The following SERAC1 variants were observed in gnomAD, a reference collection of about 807,000 sequenced individuals.
SERAC1 encodes the protein protein SERAC1.
Under a neutral mutation model 85.7 loss-of-function variants are expected in SERAC1, and 36 were observed. The observed-to-expected ratio is 0.42, with a 90% CI of 0.32 to 0.55. The LOEUF (loss-of-function observed/expected upper bound fraction) is 0.55. SERAC1 is among the 20% of genes least tolerant of loss of function. SERAC1 has a pLI of 0.11. For missense variants in SERAC1, 629 were observed against 796.2 expected (o/e 0.79, Z 2.53); for synonymous variants, 242 against 265.3 (o/e 0.91, Z 0.85).
At chr6:158,115,110 G>T (rs41269575) in intron 14 of SERAC1, 139 bp from the exon 15 acceptor site, 4 of 852,898 alleles carry the variant, frequency 4.7e-6, no homozygotes, top group Non-Finnish European at 7.2e-6. Flanking sequence ...ACAATTCTCT[G>T]TACAGTAGTA....
At chr6:158,113,347 T>G (rs1382128741) in intron 16 of SERAC1, 102 bp downstream of exon 16, 1 of 898,506 alleles carries the variant, frequency 1.1e-6, no homozygotes. Flanking sequence ...TCATAAACTA[T>G]CTCTTAAAAC....
intron 2 of SERAC1, among the ~76,000 whole-genome samples, chr6:158,156,259 CTGA>C (rs572533656): frequency 7.7e-4 from 118 of 152,276 alleles, no homozygotes; most frequent in Non-Finnish European, 1.1e-3. Flanking sequence ...ATGGCAGACA[CTGA>C]TAATTGCCTG....
At chr6:158,160,708 C>A (rs1313109674) in intron 1 of SERAC1, among the ~76,000 whole-genome samples, 1 of 152,054 alleles carries the variant, frequency 6.6e-6, no homozygotes, top group Non-Finnish European at 1.5e-5. Context: ...CAATTTATTT[C>A]TATTCCTTTA....
rs1784387369 is a variant in SERAC1 at position 158,120,307 on chromosome 6, A to G, written c.1166+118T>C. 2 of 1,042,604 alleles carry G rather than the reference A, an allele frequency of 1.9e-6. No homozygotes were observed. The highest frequency in any genetic ancestry group is 2.7e-6 in the Non-Finnish European group (2 of 746,108). The allele number at this position is 1,042,604 out of a possible 1,614,324, so 64.6% of individuals were successfully genotyped here. ...TAGACAAATTATTTTAGTAAATAAG[A>G]TATTTGACTTATAAGTTATTTAACT... On this transcript the variant is annotated intron_variant, in intron 11 of 16. Transcript: ENST00000647468. The surrounding 1 kb of genome is among the most constrained non-coding windows in gnomAD (Gnocchi z 4.4).
chr6:158,158,482 G>T, intron 1 of SERAC1, 118 bp from the exon 2 acceptor site: 2 of 631,244 alleles, frequency 3.2e-6, no homozygotes, highest in Non-Finnish European at 5.2e-6. Flanking sequence ...GCTTTTTCAA[G>T]ACTACGAAGA....
At chr6:158,162,588 T>TTTTTAAA (rs1785511778) in intron 1 of SERAC1, among the ~76,000 whole-genome samples, 2 of 152,234 alleles carry the variant, frequency 1.3e-5, no homozygotes, top group Admixed American at 1.3e-4. Flanking sequence ...TCCTATTAGA[T>TTTTTAAA]GTATGCTAGA....
In SERAC1 at chr6:158,113,228, C is replaced by T. The variant is rs560585560; in HGVS notation, c.1828+221G>A. 31 of 489,582 alleles carry T rather than the reference C, an allele frequency of 6.3e-5. No individual in the cohort carries two copies. The East Asian group carries it at 9.3e-4, about 15-fold the overall frequency. 30.3% of individuals were successfully genotyped at this position (489,582 alleles called of 1,614,324 possible). A position where few individuals can be genotyped will look rare whatever the true frequency, so the allele number is the denominator to read the frequency against. ...TTAGAGTTAGCCAATTAACCCTTCTCATCTAATCAGTTACATAAAGGGCAG... is the reference window on the plus strand; with the variant it reads ...TTAGAGTTAGCCAATTAACCCTTCTTATCTAATCAGTTACATAAAGGGCAG... On this transcript the variant is annotated intron_variant, in intron 16 of 16. Transcript: ENST00000647468.
chr6:158,147,766 C>T (rs1310546518), intron 5 of SERAC1, among the ~76,000 whole-genome samples: 1 of 60,334 alleles, frequency 1.7e-5, no homozygotes, highest in East Asian at 5.7e-4. Context: ...AAGGCTCTGT[C>T]TCAAAAAAAA....
Position 158,120,704 on chromosome 6 carries a change from C to T in SERAC1, c.1016-129G>A. ...CGTGTCTGTCCTTGGCGGAGAAGTC[C>T]GACTATTCCAACCCCATTCTGCCCT... On this transcript the variant is annotated intron_variant, in intron 10 of 16. Transcript: ENST00000647468. The surrounding 1 kb of genome is among the most constrained non-coding windows in gnomAD (Gnocchi z 4.4). The T allele has an allele frequency of 2.0e-6, 2 of 988,350 alleles. No homozygotes were observed. Among genetic ancestry groups the T allele is most frequent in the Non-Finnish European group, 2.9e-6 (2 of 687,792 alleles). The allele number at this position is 988,350 out of a possible 1,614,324, so 61.2% of individuals were successfully genotyped here.
At chr6:158,159,992 A>AATAT (rs1293152194) in intron 1 of SERAC1, among the ~76,000 whole-genome samples, 1 of 152,204 alleles carries the variant, frequency 6.6e-6, no homozygotes, top group Non-Finnish European at 1.5e-5. Context: ...AATATTTATA[A>AATAT]ATATATCATA....
At chr6:158,122,472 T>C (rs1784445369) in intron 10 of SERAC1, among the ~76,000 whole-genome samples, 1 of 152,170 alleles carries the variant, frequency 6.6e-6, no homozygotes, top group Non-Finnish European at 1.5e-5. Context: ...AATATAGTCA[T>C]ATATCTATAA....
intron 8 of SERAC1, among the ~76,000 whole-genome samples, chr6:158,137,426 T>C (rs1030698730): frequency 1.3e-5 from 2 of 152,016 alleles, no homozygotes; most frequent in African/African-American, 4.8e-5. Flanking sequence ...AAAAAAAAAA[T>C]ACTAAAAACA....
At chr6:158,128,662 C>T (rs1784601392) in intron 9 of SERAC1, among the ~76,000 whole-genome samples, 1 of 152,098 alleles carries the variant, frequency 6.6e-6, no homozygotes. Flanking sequence ...GAAATAGTCC[C>T]CTGTGCAAGC....
intron 5 of SERAC1, among the ~76,000 whole-genome samples, chr6:158,147,639 G>A (rs182259178): frequency 0.013 from 1,874 of 149,720 alleles, 34 homozygotes; most frequent in African/African-American, 0.043. Context: ...GTGTGGTGGC[G>A]GGCGCCTGCA....
At chr6:158,143,980 T>C (rs1244943979) in intron 7 of SERAC1, among the ~76,000 whole-genome samples, 1 of 152,116 alleles carries the variant, frequency 6.6e-6, no homozygotes, top group African/African-American at 2.4e-5. Context: ...AAAATGTCAA[T>C]AGTGTTGAGG....
In SERAC1 at chr6:158,128,288, C is replaced by G. The variant is rs769201443; in HGVS notation, c.853-18G>C. 1 of 1,612,382 alleles carries G rather than the reference C, an allele frequency of 6.2e-7. No homozygotes were observed. The highest frequency in any genetic ancestry group is 2.2e-5 in the East Asian group (1 of 44,860). ...GTGGATATCTGGCACAATAAATAAACAGAAGCTCCCTTGACATTGTACAAA... is the reference window on the plus strand; with the variant it reads ...GTGGATATCTGGCACAATAAATAAAGAGAAGCTCCCTTGACATTGTACAAA... On this transcript the variant is annotated intron_variant, in intron 9 of 16. Transcript: ENST00000647468.
At chr6:158,149,295 G>T (rs752434575) in intron 4 of SERAC1, among the ~76,000 whole-genome samples, 2 of 152,170 alleles carry the variant, frequency 1.3e-5, no homozygotes, top group African/African-American at 4.8e-5. Flanking sequence ...CCCGGCCCAA[G>T]AATGTATTCT....
In SERAC1 at chr6:158,110,515, C is replaced by T. The variant is rs1207259129; in HGVS notation, c.*851G>A. 6.6e-6 allele frequency: 1 copy of T among 152,190 alleles called. No homozygotes were observed. The highest frequency in any genetic ancestry group is 1.5e-5 in the Non-Finnish European group (1 of 68,038). 9.4% of individuals were successfully genotyped at this position (152,190 alleles called of 1,614,324 possible). A position where few individuals can be genotyped will look rare whatever the true frequency, so the allele number is the denominator to read the frequency against. On this transcript the variant is annotated 3_prime_UTR_variant, in exon 17 of 17. Coordinates refer to ENST00000647468, the MANE Select transcript of SERAC1 (RefSeq NM_032861.4). ...GTCATCGACATGATTATCTACTACT[C>T]ACATGCTATAGAGGTCAATTAATAC...
At chr6:158,160,796 A>C (rs1476892685) in intron 1 of SERAC1, 1 of 152,116 alleles carries the variant, frequency 6.6e-6, no homozygotes, top group Non-Finnish European at 1.5e-5. Flanking sequence ...AGAATATTAG[A>C]ATGCTTTAAA....
Sources: gnomAD v4.1 joint callset for allele counts (sites outside exome capture counted in the v4.1 genomes callset) on GRCh38, gnomAD v4.1.1 for gene constraint, Gnocchi (gnomAD v3.1) non-coding constraint, MANE v1.5 for transcripts, NCBI Gene and HGNC (gene_info 2026-07-23, HGNC 2026-07-21) for gene names.